EPHA6: variants seen among roughly 807,000 people sequenced by gnomAD.
EPHA6 encodes ephrin type-A receptor 6.
A neutral mutation model predicts 112.0 loss-of-function variants in EPHA6; 50 were observed. That is an observed-to-expected ratio of 0.45 (90% CI 0.36 to 0.56). EPHA6 has a LOEUF of 0.56. Among genes scored for constraint, EPHA6 ranks in the 20% least tolerant of loss-of-function variants. EPHA6 has a pLI of 0.00. For missense variants in EPHA6, 1,280 were observed against 1,417.4 expected (o/e 0.90, Z 1.56); for synonymous variants, 529 against 490.7 (o/e 1.08, Z -1.03).
intron 2 of EPHA6, among the ~76,000 whole-genome samples, chr3:96,982,883 CT>C (rs1174207959): frequency 7.2e-5 from 11 of 151,902 alleles, no homozygotes; most frequent in African/African-American, 2.4e-4. Context: ...CAACCCCTGC[CT>C]TTTTTTGTTT....
chr3:97,457,187 A>G (rs2090718659), intron 7 of EPHA6, among the ~76,000 whole-genome samples: 2 of 152,208 alleles, frequency 1.3e-5, no homozygotes, highest in Non-Finnish European at 2.9e-5. Context: ...AGGGAATACA[A>G]GTATTGTGTT....
Position 97,244,049 on chromosome 3 carries a change from T to C in EPHA6, c.1368T>C (p.Asp456=), listed in dbSNP as rs373391182. 4.7e-5 allele frequency: 75 copies of C among 1,612,704 alleles called. No individual in the cohort carries two copies. Among genetic ancestry groups the C allele is most frequent in the Non-Finnish European group, 5.2e-5 (61 of 1,179,284 alleles). The change falls in exon 5 of 18, where the codon GAT becomes GAC. Residue 456 remains aspartate (D), a synonymous_variant. Transcript: ENST00000389672. The part of the protein sequence containing the change: ...SPPSDTGGRK[D]LTYSVICKKC... The stretch of plus-strand genomic sequence containing the variant: ...CAAGTGACACAGGAGGGAGAAAAGA[T>C]CTCACATACAGTGTAATCTGTAAGA...
intron 2 of EPHA6, among the ~76,000 whole-genome samples, chr3:96,924,210 T>A (rs1215812505): frequency 6.6e-6 from 1 of 152,214 alleles, no homozygotes; most frequent in Non-Finnish European, 1.5e-5. Flanking sequence ...CTAATGGAAA[T>A]AGCCTTGAAT....
intron 14 of EPHA6, among the ~76,000 whole-genome samples, chr3:97,660,818 C>G (rs897039049): frequency 1.3e-5 from 2 of 152,036 alleles, no homozygotes; most frequent in Non-Finnish European, 2.9e-5. Flanking sequence ...ATTAAATTAA[C>G]CATAGGCCTA....
At chr3:96,897,178 G>A (rs1258297211) in intron 2 of EPHA6, among the ~76,000 whole-genome samples, 6 of 149,520 alleles carry the variant, frequency 4.0e-5, no homozygotes, top group Non-Finnish European at 8.9e-5. Context: ...ACATACATAT[G>A]CACATATATA....
intron 2 of EPHA6, among the ~76,000 whole-genome samples, chr3:96,917,418 C>CAAAA (rs5851049): frequency 4.3e-4 from 25 of 58,024 alleles, no homozygotes; most frequent in African/African-American, 6.7e-4. Context: ...GACTCCATCT[C>CAAAA]AAAAAAAAAA....
chr3:96,839,435 A>G (rs1454216971), intron 1 of EPHA6, among the ~76,000 whole-genome samples: 1 of 152,030 alleles, frequency 6.6e-6, no homozygotes, highest in Non-Finnish European at 1.5e-5. Context: ...TTCCAGCCCC[A>G]CATCTGTCAT....
chr3:97,391,231 T>C (rs192614904), intron 5 of EPHA6, among the ~76,000 whole-genome samples: 39 of 152,134 alleles, frequency 2.6e-4, no homozygotes, highest in African/African-American at 8.9e-4. Context: ...AGAGGATTTA[T>C]AGAACAAAAG....
chr3:97,739,967 G>A (rs1245798852), intron 16 of EPHA6, among the ~76,000 whole-genome samples: 1 of 152,108 alleles, frequency 6.6e-6, no homozygotes, highest in Non-Finnish European at 1.5e-5. Context: ...AAAGGACCCA[G>A]CTTAAGGCCA....
rs544094923 is a variant in EPHA6, at chr3:96,843,538, C to G, written c.386-23287C>G. Among the ~76,000 whole-genome samples, 5 of 152,110 alleles carry G rather than the reference C, an allele frequency of 3.3e-5. No homozygotes were observed. The South Asian group carries it at 1.0e-3, about 32-fold the overall frequency. On this transcript the variant is annotated intron_variant, in intron 1 of 17. Coordinates refer to ENST00000389672, the MANE Select transcript of EPHA6 (RefSeq NM_001080448.3). ...TGTCAATTTTGTGAGGGAATTCAGT[C>G]AGCGAGGTGGCGGTGAACAGGTAGC... is the stretch of plus-strand genomic sequence containing the variant.
chr3:97,608,449 C>T (rs767893932), intron 12 of EPHA6, among the ~76,000 whole-genome samples: 2 of 151,270 alleles, frequency 1.3e-5, no homozygotes, highest in Admixed American at 1.3e-4. Flanking sequence ...GGCAAGTGAC[C>T]TTGAGAAACC....
intron 14 of EPHA6, among the ~76,000 whole-genome samples, chr3:97,695,699 C>G (rs1056780205): frequency 3.9e-5 from 6 of 152,126 alleles, no homozygotes; most frequent in African/African-American, 1.4e-4. Context: ...TGCCACCATG[C>G]CCAGCTAATT....
At chr3:97,324,405 T>TTTTCTTTCCTTC (rs1553746236) in intron 5 of EPHA6, among the ~76,000 whole-genome samples, 1 of 104,492 alleles carries the variant, frequency 9.6e-6, no homozygotes, top group African/African-American at 3.7e-5. Flanking sequence ...GCTTTCCTTC[T>TTTTCTTTCCTTC]TTTCTTTCTT....
chr3:97,551,835 A>T (rs1031664223), intron 11 of EPHA6, among the ~76,000 whole-genome samples: 4 of 152,186 alleles, frequency 2.6e-5, no homozygotes, highest in Non-Finnish European at 5.9e-5. Flanking sequence ...TCTGGGGAAT[A>T]CAAGTCTGGA....
intron 5 of EPHA6, among the ~76,000 whole-genome samples, chr3:97,252,345 G>A (rs1407104598): frequency 6.6e-6 from 1 of 152,074 alleles, no homozygotes; most frequent in Non-Finnish European, 1.5e-5. Context: ...CTCCCTGGTA[G>A]GTGAGAGACC....
At chr3:97,321,142 T>A (rs1167385824) in intron 5 of EPHA6, among the ~76,000 whole-genome samples, 1 of 151,952 alleles carries the variant, frequency 6.6e-6, no homozygotes, top group Non-Finnish European at 1.5e-5. Flanking sequence ...TTGGAAATGG[T>A]TTACTACTTA....
chr3:97,383,439 T>A (rs565023582), intron 5 of EPHA6, among the ~76,000 whole-genome samples: 81 of 152,196 alleles, frequency 5.3e-4, no homozygotes, highest in Non-Finnish European at 1.0e-3. Context: ...ATTGAAAACA[T>A]GCCCTGAAAA....
At chr3:96,898,900 C>T (rs1039939547) in intron 2 of EPHA6, among the ~76,000 whole-genome samples, 20 of 151,600 alleles carry the variant, frequency 1.3e-4, no homozygotes, top group South Asian at 4.2e-4. Flanking sequence ...TGGTGGCGCG[C>T]GCCTGTAGTC....
intron 3 of EPHA6, among the ~76,000 whole-genome samples, chr3:97,160,417 C>A (rs2076387025): frequency 6.6e-6 from 1 of 151,968 alleles, no homozygotes; most frequent in Admixed American, 6.6e-5. Flanking sequence ...GCTGGGATTA[C>A]AGGTGCCCCC....
Sources: gnomAD v4.1 joint callset for allele counts (sites outside exome capture counted in the v4.1 genomes callset) on GRCh38, gnomAD v4.1.1 for gene constraint, MANE v1.5 for transcripts, NCBI Gene and HGNC (gene_info 2026-07-23, HGNC 2026-07-21) for gene names.